NPLOC4: variants seen among roughly 807,000 people sequenced by gnomAD.
The protein encoded by NPLOC4 is NPL4 homolog, ubiquitin recognition factor, also known as nuclear protein localization protein 4 homolog.
Under a neutral mutation model 80.6 loss-of-function variants are expected in NPLOC4, and 18 were observed. That is an observed-to-expected ratio of 0.22 (90% CI 0.15 to 0.33). The LOEUF (loss-of-function observed/expected upper bound fraction) is 0.33. Ranked by LOEUF, NPLOC4 falls within the 10% of genes least tolerant of loss-of-function variation. NPLOC4 has a pLI of 1.00. For synonymous variants in NPLOC4, 313 were observed against 301.5 expected, an observed-to-expected ratio of 1.04 and a Z score of -0.39; for missense variants, 540 against 786.1, an observed-to-expected ratio of 0.69 and a Z score of 3.74.
intron 15 of NPLOC4, 108 bp from the exon 16 acceptor site, chr17:81,565,715 T>C (rs1220673781): frequency 5.9e-6 from 5 of 840,976 alleles, no homozygotes; most frequent in South Asian, 5.6e-5. Flanking sequence ...TCTGAGGACA[T>C]TTTAAAAATC....
intron 2 of NPLOC4, among the ~76,000 whole-genome samples, chr17:81,625,575 A>G (rs1366002794): frequency 2.0e-5 from 3 of 152,216 alleles, no homozygotes; most frequent in Non-Finnish European, 2.9e-5. Context: ...GGGAGAGAGC[A>G]GAAGAGTCAA....
In NPLOC4 at chr17:81,637,013, T is replaced by A; in HGVS notation, c.-83A>T. ...GGGCCTCGCAGACCCGGCCGCGGCC[T>A]CAGCCCCGGCCCCGGCCTCCCTACG... On this transcript the variant is annotated 5_prime_UTR_variant, in exon 1 of 17. Coordinates refer to ENST00000331134, the MANE Select transcript of NPLOC4 (RefSeq NM_017921.4). The A allele has an allele frequency of 1.1e-6, 1 of 928,602 alleles. No homozygotes were observed. Among genetic ancestry groups the A allele is most frequent in the Non-Finnish European group, 1.4e-6 (1 of 723,026 alleles). 57.5% of individuals were successfully genotyped at this position (928,602 alleles called of 1,614,324 possible).
chr17:81,622,820 G>A (rs1444581589), intron 2 of NPLOC4, among the ~76,000 whole-genome samples: 1 of 152,026 alleles, frequency 6.6e-6, no homozygotes, highest in Non-Finnish European at 1.5e-5. Flanking sequence ...CAAAGTACTG[G>A]GATTACAGGC....
chr17:81,570,678 C>T (rs543542447), intron 13 of NPLOC4, among the ~76,000 whole-genome samples: 1 of 152,318 alleles, frequency 6.6e-6, no homozygotes, highest in East Asian at 1.9e-4. Context: ...ACAAAGAAAC[C>T]CCAGTAACAC....
intron 12 of NPLOC4, among the ~76,000 whole-genome samples, chr17:81,581,302 T>C (rs1221708702): frequency 1.5e-5 from 2 of 133,074 alleles, no homozygotes; most frequent in Non-Finnish European, 3.1e-5. Context: ...TGAGCCGAGA[T>C]TGGGCCACTG....
intron 12 of NPLOC4, among the ~76,000 whole-genome samples, chr17:81,585,554 C>A (rs953951715): frequency 6.6e-6 from 1 of 151,328 alleles, no homozygotes; most frequent in Non-Finnish European, 1.5e-5. Flanking sequence ...CCCAGCTACT[C>A]GGGAGGCTGA....
intron 16 of NPLOC4, chr17:81,564,004 C>G (rs778188030): frequency 2.3e-6 from 1 of 443,470 alleles, no homozygotes; most frequent in Admixed American, 2.4e-5. Context: ...TTGCTTCAAC[C>G]CAGGAGGCAG....
intron 2 of NPLOC4, among the ~76,000 whole-genome samples, chr17:81,625,520 C>A (rs1444856015): frequency 6.6e-6 from 1 of 152,104 alleles, no homozygotes; most frequent in Non-Finnish European, 1.5e-5. Context: ...CTGAAAAACA[C>A]AAGAACAGAA....
At chr17:81,622,689 T>G (rs1204091197) in intron 2 of NPLOC4, among the ~76,000 whole-genome samples, 1 of 152,086 alleles carries the variant, frequency 6.6e-6, no homozygotes, top group Non-Finnish European at 1.5e-5. Flanking sequence ...TAGCTGGGAT[T>G]ACAGGCGCCT....
At chr17:81,559,944 AGGC>A (rs2033798079) in intron 16 of NPLOC4, among the ~76,000 whole-genome samples, 1 of 150,476 alleles carries the variant, frequency 6.6e-6, no homozygotes, top group South Asian at 2.2e-4. Context: ...CATGTTGGCC[AGGC>A]TGGTCTCGAA....
At chr17:81,589,163 T>A in intron 11 of NPLOC4, 59 bp from the exon 12 acceptor site, 11 of 1,417,446 alleles carry the variant, frequency 7.8e-6, no homozygotes, top group Non-Finnish European at 1.1e-5. Context: ...CCAGTCCATA[T>A]CTGTTAACTC....
rs117928966 is a variant in NPLOC4, at chr17:81,580,687, C to T, written c.1281+8257G>A. On this transcript the variant is annotated intron_variant, in intron 12 of 16. Coordinates refer to ENST00000331134, the MANE Select transcript of NPLOC4 (RefSeq NM_017921.4). This position sits in a 1 kb window ranked among gnomAD's most constrained non-coding sequence, Gnocchi z 4.4. ...GCACTCCAAGCTTCTCTACCCGTTC[C>T]GCTGGGGTGGCCCACCTCCCCTGCT... 5.9e-5 allele frequency among the ~76,000 whole-genome samples: 9 copies of T among 152,350 alleles called. No homozygotes were observed. The highest frequency in any genetic ancestry group is 1.0e-4 in the Non-Finnish European group (7 of 68,028).
At chr17:81,611,914 C>T (rs1389872118) in intron 4 of NPLOC4, among the ~76,000 whole-genome samples, 11 of 147,654 alleles carry the variant, frequency 7.4e-5, no homozygotes, top group South Asian at 4.3e-4. Flanking sequence ...GAGCGGACGT[C>T]GCGCCACTGC....
chr17:81,634,778 T>A (rs2144352465), intron 1 of NPLOC4, among the ~76,000 whole-genome samples: 1 of 151,698 alleles, frequency 6.6e-6, no homozygotes, highest in African/African-American at 2.4e-5. Context: ...AGAGACAGGG[T>A]TTCACCATGT....
intron 12 of NPLOC4, among the ~76,000 whole-genome samples, chr17:81,575,539 G>A (rs1374251445): frequency 6.6e-6 from 1 of 152,196 alleles, no homozygotes; most frequent in Non-Finnish European, 1.5e-5. Context: ...CAAACACACT[G>A]GTCACAGGCA....
In NPLOC4 at chr17:81,604,677, G is replaced by C; in HGVS notation, c.705C>G (p.Asp235Glu). Reference protein sequence around the residue: ...NIMFENHTVADRFLDFWRKTG... With the variant: ...NIMFENHTVAERFLDFWRKTG... ...TCTTTCTCCAGAAGTCAAGAAAGCG[G>C]TCAGCGACGGTGTGATTCTCAAACA... The change falls in exon 8 of 17, where the codon GAC becomes GAG. Residue 235 changes from aspartate to glutamate, a missense_variant. Coordinates refer to ENST00000331134, the MANE Select transcript of NPLOC4 (RefSeq NM_017921.4). The C allele has an allele frequency of 6.2e-7, 1 of 1,613,828 alleles. No individual in the cohort carries two copies. Among genetic ancestry groups the C allele is most frequent in the Non-Finnish European group, 8.5e-7 (1 of 1,179,832 alleles).
intron 11 of NPLOC4, among the ~76,000 whole-genome samples, chr17:81,595,295 G>A (rs1273562854): frequency 1.3e-5 from 2 of 151,656 alleles, no homozygotes; most frequent in Non-Finnish European, 2.9e-5. Context: ...TTAGCCAGGC[G>A]TGGTGGTGTG....
At chr17:81,565,180 A>G (rs1598615582) in intron 16 of NPLOC4, 9 of 610,906 alleles carry the variant, frequency 1.5e-5, no homozygotes, top group African/African-American at 3.7e-5. Context: ...GCGCTTCCAT[A>G]AAGTTTCTGA....
Position 81,557,437 on chromosome 17 carries a change from G to C in NPLOC4, c.*1822C>G, listed in dbSNP as rs537981975. On this transcript the variant is annotated 3_prime_UTR_variant, in exon 17 of 17. Coordinates refer to ENST00000331134, the MANE Select transcript of NPLOC4 (RefSeq NM_017921.4). ...TCAGAGTAAGGGAAATGCTGGTGGA[G>C]GACAACGGAAACTATAATAGCGTGG... The C allele has an allele frequency of 2.6e-5, 4 of 152,460 alleles. No homozygotes were observed. In the East Asian group the frequency reaches 7.7e-4, roughly 29 times the overall value. 9.4% of individuals were successfully genotyped at this position (152,460 alleles called of 1,614,324 possible). A position where few individuals can be genotyped will look rare whatever the true frequency, so the allele number is the denominator to read the frequency against.
Sources: gnomAD v4.1 joint callset for allele counts (sites outside exome capture counted in the v4.1 genomes callset) on GRCh38, gnomAD v4.1.1 for gene constraint, Gnocchi (gnomAD v3.1) non-coding constraint, MANE v1.5 for transcripts, NCBI Gene and HGNC (gene_info 2026-07-23, HGNC 2026-07-21) for gene names.